The following PRKCE variants were observed in gnomAD, a reference collection of about 807,000 sequenced individuals.
PRKCE encodes protein kinase C epsilon type.
A neutral mutation model predicts 85.4 loss-of-function variants in PRKCE; 16 were observed. That is an observed-to-expected ratio of 0.19 (90% CI 0.13 to 0.28). The LOEUF (loss-of-function observed/expected upper bound fraction) is 0.28, where lower values mean the gene tolerates loss of function less well. Among genes scored for constraint, PRKCE ranks in the 10% least tolerant of loss-of-function variants. PRKCE has a pLI of 1.00. For missense variants in PRKCE, 573 were observed against 975.2 expected, an observed-to-expected ratio of 0.59 and a Z score of 5.49; for synonymous variants, 388 against 371.5, an observed-to-expected ratio of 1.04 and a Z score of -0.51.
At chr2:45,744,465 C>CTTTTTCTTTCTTTCT (rs1392651873) in intron 1 of PRKCE, among the ~76,000 whole-genome samples, 3 of 54,076 alleles carry the variant, frequency 5.5e-5, no homozygotes, top group African/African-American at 2.5e-4. Context: ...TTCTTTCTTT[C>CTTTTTCTTTCTTTCT]TTTCTTTCTT....
In PRKCE at chr2:46,125,004, G is replaced by A. The variant is rs150437629; in HGVS notation, c.1593-20089G>A. Among the ~76,000 whole-genome samples the A allele has an allele frequency of 9.2e-4, 140 of 152,308 alleles. 1 individual carries two copies. Among genetic ancestry groups the A allele is most frequent in the African/African-American group, 3.3e-3 (137 of 41,560 alleles). On this transcript the variant is annotated intron_variant, in intron 11 of 14. Transcript: ENST00000306156. The stretch of plus-strand genomic sequence containing the variant: ...AATAAAGAGACTTTGGTATTTATTT[G>A]CAATGGTGTCTTGCCTTGTTCAGCC...
intron 2 of PRKCE, among the ~76,000 whole-genome samples, chr2:45,891,503 C>G (rs1695718744): frequency 6.6e-6 from 1 of 152,192 alleles, no homozygotes; most frequent in East Asian, 1.9e-4. Flanking sequence ...AATCCTAAAC[C>G]ATCCCTGTGT....
At chr2:45,659,916 C>A (rs1012598679) in intron 1 of PRKCE, among the ~76,000 whole-genome samples, 1 of 147,298 alleles carries the variant, frequency 6.8e-6, no homozygotes, top group African/African-American at 2.5e-5. Flanking sequence ...TTGTTTATTT[C>A]TAATACCAGA....
At chr2:45,826,958 C>T (rs760654905) in intron 1 of PRKCE, among the ~76,000 whole-genome samples, 3 of 152,234 alleles carry the variant, frequency 2.0e-5, no homozygotes, top group East Asian at 1.9e-4. Flanking sequence ...TGCCTTCCTG[C>T]GTCCTCATGG....
intron 1 of PRKCE, among the ~76,000 whole-genome samples, chr2:45,714,122 T>C (rs1573032113): frequency 6.6e-6 from 1 of 152,354 alleles, no homozygotes; most frequent in South Asian, 2.1e-4. Flanking sequence ...CCCCAAACAC[T>C]GTGCTAAGTA....
At chr2:45,744,542 C>A (rs1169841483) in intron 1 of PRKCE, among the ~76,000 whole-genome samples, 5 of 74,406 alleles carry the variant, frequency 6.7e-5, no homozygotes, top group African/African-American at 2.7e-4. Context: ...TTCCTTCTTT[C>A]TTTCTTTCTT....
Position 46,145,048 on chromosome 2 carries a change from G to A in PRKCE, c.1593-45G>A. The A allele has an allele frequency of 6.3e-7, 1 of 1,598,396 alleles. No homozygotes were observed. The highest frequency in any genetic ancestry group is 8.5e-7 in the Non-Finnish European group (1 of 1,179,056). On this transcript the variant is annotated intron_variant, in intron 11 of 14. Transcript: ENST00000306156. The surrounding 1 kb of genome is among the most constrained non-coding windows in gnomAD (Gnocchi z 4.6). The stretch of plus-strand genomic sequence containing the variant: ...ACCTCCAACTCAGGAAGACTATATT[G>A]GGGTGAGTGACGTATTGACATTATG...
chr2:45,998,673 G>T (rs1305401416), intron 6 of PRKCE, among the ~76,000 whole-genome samples: 1 of 152,054 alleles, frequency 6.6e-6, no homozygotes, highest in Non-Finnish European at 1.5e-5. Context: ...ATTGATTATT[G>T]ACATACTTGG....
chr2:45,743,270 C>T (rs548513769), intron 1 of PRKCE, among the ~76,000 whole-genome samples: 1 of 152,184 alleles, frequency 6.6e-6, no homozygotes, highest in South Asian at 2.1e-4. Context: ...ACTATACTCA[C>T]CATACAAAAA....
At chr2:46,158,116 A>C (rs61759993) in intron 13 of PRKCE, among the ~76,000 whole-genome samples, 10,656 of 152,292 alleles carry the variant, frequency 0.07, 383 homozygotes, top group Middle Eastern at 0.082. Flanking sequence ...GGCAGATAAG[A>C]CAGATTCCTA....
intron 1 of PRKCE, among the ~76,000 whole-genome samples, chr2:45,707,731 C>G (rs560637965): frequency 2.0e-5 from 3 of 152,158 alleles, no homozygotes; most frequent in Non-Finnish European, 2.9e-5. Flanking sequence ...CAGTTCGTGA[C>G]GAATATGAAA....
At chr2:46,048,636 C>A (rs920260520) in intron 10 of PRKCE, among the ~76,000 whole-genome samples, 1 of 152,172 alleles carries the variant, frequency 6.6e-6, no homozygotes, top group Admixed American at 6.5e-5. Flanking sequence ...CAGGGGGAGA[C>A]GGATGATAGC....
At chr2:45,985,633 T>C (rs1030943305) in intron 6 of PRKCE, among the ~76,000 whole-genome samples, 12 of 151,842 alleles carry the variant, frequency 7.9e-5, no homozygotes, top group African/African-American at 2.4e-4. Flanking sequence ...ACTATGAGAA[T>C]TGGAAATAAG....
chr2:45,941,499 A>G (rs1699876847), intron 2 of PRKCE, among the ~76,000 whole-genome samples: 1 of 152,188 alleles, frequency 6.6e-6, no homozygotes, highest in South Asian at 2.1e-4. Flanking sequence ...ATGTTTATAA[A>G]GCGTTAGACT....
chr2:45,661,343 C>T (rs1014997179), intron 1 of PRKCE, among the ~76,000 whole-genome samples: 2 of 151,472 alleles, frequency 1.3e-5, no homozygotes, highest in African/African-American at 2.4e-5. Context: ...CCACCACACC[C>T]GACTAATTTC....
At chr2:45,661,516 G>GTTTTTTTTTTT (rs1270841370) in intron 1 of PRKCE, among the ~76,000 whole-genome samples, 2 of 121,156 alleles carry the variant, frequency 1.7e-5, no homozygotes, top group African/African-American at 3.2e-5. Flanking sequence ...GTTTTGTTTT[G>GTTTTTTTTTTT]TTTTTTGTTT....
At chr2:46,154,980 GT>G (rs1371678340) in intron 13 of PRKCE, among the ~76,000 whole-genome samples, 2 of 152,156 alleles carry the variant, frequency 1.3e-5, no homozygotes, top group Non-Finnish European at 2.9e-5. Flanking sequence ...CTATGTAACT[GT>G]TTGATAAAAA....
chr2:45,903,426 G>A (rs1048653359), intron 2 of PRKCE, among the ~76,000 whole-genome samples: 5 of 152,196 alleles, frequency 3.3e-5, no homozygotes, highest in Admixed American at 6.5e-5. Context: ...CCATCCCCAT[G>A]GGACAGGGTT....
rs143248491 is a variant in PRKCE, at chr2:45,849,775, C to T, written c.412+6712C>T. Among the ~76,000 whole-genome samples, 20 of 152,282 alleles carry T rather than the reference C, an allele frequency of 1.3e-4. No homozygotes were observed. In the East Asian group the frequency reaches 3.1e-3, roughly 23 times the overall value. ...CATTGATCTTACAATATGCACCCCA[C>T]GTTACCACACCCCACCCCGGCATAA... On this transcript the variant is annotated intron_variant, in intron 2 of 14. Coordinates refer to ENST00000306156, the MANE Select transcript of PRKCE (RefSeq NM_005400.3).
Sources: allele counts gnomAD v4.1 joint callset (sites outside exome capture counted in the v4.1 genomes callset), GRCh38; gene constraint gnomAD v4.1.1; non-coding constraint Gnocchi (gnomAD v3.1); transcripts MANE v1.5; gene names NCBI Gene and HGNC (gene_info 2026-07-23, HGNC 2026-07-21).